Variants in ZC2HC1A observed in about 807,000 individuals in gnomAD.
ZC2HC1A encodes the protein zinc finger C2HC-type containing 1A.
Under a neutral mutation model 40.7 loss-of-function variants are expected in ZC2HC1A, and 28 were observed. The ratio of observed to expected loss-of-function variants is 0.69; its 90% CI spans 0.51 to 0.94. The LOEUF is 0.94. Ranked by LOEUF, ZC2HC1A falls within the 40% of genes least tolerant of loss-of-function variation. The pLI is 0.00. For synonymous variants in ZC2HC1A, 129 were observed against 129.2 expected (o/e 1.00, Z 0.01); for missense variants, 389 against 386.3 (o/e 1.01, Z -0.06).
At chr8:78,711,054 ACATAATAGATGCT>A (rs1286970278) in intron 7 of ZC2HC1A, among the ~76,000 whole-genome samples, 4 of 152,260 alleles carry the variant, frequency 2.6e-5, no homozygotes, top group East Asian at 1.9e-4. Flanking sequence ...AGTGCCTGAC[ACATAATAGATGCT>A]CATAATAGAT....
At chr8:78,669,592 T>C (rs1479785919) in intron 1 of ZC2HC1A, among the ~76,000 whole-genome samples, 3 of 152,158 alleles carry the variant, frequency 2.0e-5, no homozygotes, top group African/African-American at 7.2e-5. Flanking sequence ...CCCAGTAGGA[T>C]GGGGATTCAA....
chr8:78,716,039 C>CAAA (rs753499894), intron 8 of ZC2HC1A, among the ~76,000 whole-genome samples: 1 of 57,056 alleles, frequency 1.8e-5, no homozygotes, highest in African/African-American at 7.0e-5. Context: ...GACTCCATCT[C>CAAA]AAAAAAAAAA....
chr8:78,666,285 G>A, intron 1 of ZC2HC1A, 121 bp downstream of exon 1: 1 of 1,487,586 alleles, frequency 6.7e-7, no homozygotes, highest in Admixed American at 2.0e-5. Flanking sequence ...GCCGCGTCCC[G>A]CCGCGCCTCC....
intron 1 of ZC2HC1A, among the ~76,000 whole-genome samples, 199 bp downstream of exon 1, chr8:78,666,363 G>A (rs1001503318): frequency 2.6e-5 from 4 of 152,214 alleles, no homozygotes; most frequent in African/African-American, 4.8e-5. Context: ...AGGCTGCCCC[G>A]CCTCAGACGG....
intron 2 of ZC2HC1A, among the ~76,000 whole-genome samples, chr8:78,676,770 C>T (rs1488194116): frequency 6.6e-6 from 1 of 151,596 alleles, no homozygotes; most frequent in Non-Finnish European, 1.5e-5. Context: ...TGATTTTTTT[C>T]TTATCAATTT....
chr8:78,712,273 T>A (rs1337738653), intron 7 of ZC2HC1A, among the ~76,000 whole-genome samples: 1 of 152,206 alleles, frequency 6.6e-6, no homozygotes, highest in African/African-American at 2.4e-5. Context: ...TTTTGATTTT[T>A]AGTAAGCATT....
chr8:78,692,154 C>T (rs960357501), intron 5 of ZC2HC1A, among the ~76,000 whole-genome samples: 3 of 152,128 alleles, frequency 2.0e-5, no homozygotes, highest in Non-Finnish European at 4.4e-5. Flanking sequence ...CAAAAACTTA[C>T]CCCTTTGACC....
In ZC2HC1A at chr8:78,666,129, G is replaced by T; in HGVS notation, c.-20G>T. ...CGGGCGCTGCTGAAGGAGTCTCGCT[G>T]AGCTCGAGGAGGTGGCGCGATGGAG... is the stretch of plus-strand genomic sequence containing the variant. On this transcript the variant is annotated 5_prime_UTR_variant, in exon 1 of 9. Transcript: ENST00000263849. 6.4e-7 allele frequency: 1 copy of T among 1,566,778 alleles called. No individual in the cohort carries two copies. Among genetic ancestry groups the T allele is most frequent in the South Asian group, 1.2e-5 (1 of 85,072 alleles).
chr8:78,707,431 C>T (rs1810808356), intron 7 of ZC2HC1A, among the ~76,000 whole-genome samples: 2 of 152,188 alleles, frequency 1.3e-5, no homozygotes, highest in Non-Finnish European at 1.5e-5. Context: ...CTTTGTCATG[C>T]TGTGACATAT....
rs1809418663 is a variant in ZC2HC1A, at chr8:78,670,757, T to C, written c.16+4593T>C. The stretch of plus-strand genomic sequence containing the variant: ...AACTTGAGTGTTTTAAAGTCCAGAG[T>C]TGGTTGTTTTGGCAGTAGTTTTGCT... On this transcript the variant is annotated intron_variant, in intron 1 of 8. Transcript: ENST00000263849. Among the ~76,000 whole-genome samples the C allele has an allele frequency of 1.3e-5, 2 of 151,986 alleles. 1 individual carries two copies. Among genetic ancestry groups the C allele is most frequent in the Non-Finnish European group, 2.9e-5 (2 of 67,996 alleles).
At chr8:78,672,518 A>G (rs978819231) in intron 1 of ZC2HC1A, among the ~76,000 whole-genome samples, 39 of 152,216 alleles carry the variant, frequency 2.6e-4, no homozygotes, top group African/African-American at 9.2e-4. Context: ...TCAACTCAGT[A>G]TGTCACTTAA....
chr8:78,686,429 T>G, intron 3 of ZC2HC1A, 38 bp from the exon 4 acceptor site: 1 of 1,228,828 alleles, frequency 8.1e-7, no homozygotes, highest in Non-Finnish European at 1.0e-6. Context: ...AAGATACTGT[T>G]TGTTTATTTA....
At chr8:78,695,746 A>G (rs934575790) in intron 5 of ZC2HC1A, among the ~76,000 whole-genome samples, 10 of 152,200 alleles carry the variant, frequency 6.6e-5, no homozygotes, top group Admixed American at 6.5e-4. Context: ...TTCATCTCCC[A>G]AAGTCTCATA....
rs1354881578 is a variant in ZC2HC1A, at chr8:78,666,291, C to T, written c.16+127C>T. On this transcript the variant is annotated intron_variant, in intron 1 of 8. Transcript: ENST00000263849. ...GCGGACCTCGCCGCGTCCCGCCGCG[C>T]CTCCGGAGGCTGGGGCCGAAGGGAA... 3.4e-6 allele frequency: 5 copies of T among 1,456,694 alleles called. No individual in the cohort carries two copies. The African/African-American group carries it at 5.6e-5, about 16-fold the overall frequency. The allele number at this position is 1,456,694 out of a possible 1,614,324, so 90.2% of individuals were successfully genotyped here.
At position 78,712,041 on chromosome 8, in the gene ZC2HC1A, GT is replaced by G. The variant is rs781401528; in HGVS notation, c.705-3178del. 7 of 1,289,552 alleles carry G rather than the reference GT, an allele frequency of 5.4e-6. No homozygotes were observed. The South Asian group carries it at 8.6e-5, about 16-fold the overall frequency. 79.9% of individuals were successfully genotyped at this position (1,289,552 alleles called of 1,614,324 possible). On this transcript the variant is annotated intron_variant, in intron 7 of 8. Coordinates refer to ENST00000263849, the MANE Select transcript of ZC2HC1A (RefSeq NM_016010.3). ...TTCGAACGGGAAGACTTGTGCAAAG[GT>G]TGTATGACAGTGATACAAAATCAGA...
intron 4 of ZC2HC1A, among the ~76,000 whole-genome samples, chr8:78,688,648 A>T (rs1810104304): frequency 6.6e-6 from 1 of 152,110 alleles, no homozygotes; most frequent in Admixed American, 6.6e-5. Context: ...AAGATATTTT[A>T]TCTTGGAAAC....
At chr8:78,694,192 T>C (rs1013121446) in intron 5 of ZC2HC1A, among the ~76,000 whole-genome samples, 2 of 152,190 alleles carry the variant, frequency 1.3e-5, no homozygotes, top group African/African-American at 4.8e-5. Flanking sequence ...TTCATAGTTG[T>C]CTGCTATTTC....
chr8:78,673,545 G>C (rs1809493508), intron 1 of ZC2HC1A, among the ~76,000 whole-genome samples: 2 of 152,168 alleles, frequency 1.3e-5, no homozygotes, highest in Admixed American at 1.3e-4. Flanking sequence ...GTGTAAAAGT[G>C]TTCCTATTTC....
At chr8:78,669,294 T>C (rs1175724383) in intron 1 of ZC2HC1A, among the ~76,000 whole-genome samples, 1 of 146,336 alleles carries the variant, frequency 6.8e-6, no homozygotes, top group Non-Finnish European at 1.5e-5. Context: ...TGAACCCTTA[T>C]TTTCCCTGCT....
Sources: allele counts gnomAD v4.1 joint callset (sites outside exome capture counted in the v4.1 genomes callset), GRCh38; gene constraint gnomAD v4.1.1; transcripts MANE v1.5; gene names NCBI Gene and HGNC (gene_info 2026-07-23, HGNC 2026-07-21).